Variants in CD163L1 observed in about 807,000 individuals in gnomAD.
CD163L1 encodes the protein scavenger receptor cysteine-rich type 1 protein M160.
Under a neutral mutation model 165.4 loss-of-function variants are expected in CD163L1, and 124 were observed. The observed-to-expected ratio is 0.75, with a 90% confidence interval of 0.65 to 0.87. The LOEUF (loss-of-function observed/expected upper bound fraction) is 0.87, where lower values mean the gene tolerates loss of function less well. Among genes scored for constraint, CD163L1 ranks in the 40% least tolerant of loss-of-function variants. CD163L1 has a pLI of 0.00. For missense variants in CD163L1, 1,525 were observed against 1,799.9 expected, an observed-to-expected ratio of 0.85 and a Z score of 2.76; for synonymous variants, 585 against 662.2, an observed-to-expected ratio of 0.88 and a Z score of 1.79.
At chr12:7,392,540 C>A (rs1947680094) in intron 8 of CD163L1, among the ~76,000 whole-genome samples, 1 of 152,058 alleles carries the variant, frequency 6.6e-6, no homozygotes, top group African/African-American at 2.4e-5. Flanking sequence ...CAAACAAATT[C>A]AAAAGCTAGC....
intron 4 of CD163L1, among the ~76,000 whole-genome samples, chr12:7,416,519 C>T (rs1565806148): frequency 6.6e-6 from 1 of 152,092 alleles, no homozygotes. Flanking sequence ...ATGGTATTGC[C>T]TAGGTTTTCT....
chr12:7,385,423 A>T (rs1473855516), intron 8 of CD163L1, among the ~76,000 whole-genome samples: 1 of 152,026 alleles, frequency 6.6e-6, no homozygotes, highest in Non-Finnish European at 1.5e-5. Context: ...TGGCACTTCA[A>T]CTATTCATCT....
At position 7,421,466 on chromosome 12, in the gene CD163L1, T is replaced by TATACATATATGTACATATATAC. The variant is rs1948397362; in HGVS notation, c.766+10949_766+10950insGTATATATGTACATATATGTAT. On this transcript the variant is annotated intron_variant, in intron 4 of 19. Coordinates refer to ENST00000313599, the MANE Select transcript of CD163L1 (RefSeq NM_174941.6). ...ATATACATATATGTACATATATACATATATATACATATATGTACATATATA... is the reference window on the plus strand; with the variant it reads ...ATATACATATATGTACATATATACATATACATATATGTACATATATACATATATACATATATGTACATATATA... 9.7e-5 allele frequency among the ~76,000 whole-genome samples: 9 copies of TATACATATATGTACATATATAC among 92,878 alleles called. 2 individuals are homozygous for TATACATATATGTACATATATAC. In the East Asian group the frequency reaches 3.4e-3, roughly 35 times the overall value. 60.9% of individuals were successfully genotyped at this position (92,878 alleles called of 152,430 possible). A position where few individuals can be genotyped will look rare whatever the true frequency, so the allele number is the denominator to read the frequency against.
rs1947103504 is a variant in CD163L1 at position 7,369,580 on chromosome 12, A to G, written c.3816T>C (p.Asp1272=). ...CCGCCTCGGCCAGGTCCCAGGAGTCATCACACACTGTGCCCCAGGAGCCTG... is the reference window on the plus strand; with the variant it reads ...CCGCCTCGGCCAGGTCCCAGGAGTCGTCACACACTGTGCCCCAGGAGCCTG... ...WHAGSWGTVC[D]DSWDLAEAEV... Residue 1272 remains aspartate, a synonymous_variant, in exon 15 of 20, where the codon GAT becomes GAC. Transcript: ENST00000313599. The surrounding 1 kb of genome is among the most constrained non-coding windows in gnomAD (Gnocchi z 4.9). 6.2e-7 allele frequency: 1 copy of G among 1,614,050 alleles called. No individual in the cohort carries two copies. Among genetic ancestry groups the G allele is most frequent in the African/African-American group, 1.3e-5 (1 of 74,908 alleles).
At chr12:7,338,569 T>C in the CD163L1 span, among the ~76,000 whole-genome samples, 1 of 152,164 alleles carries the variant, frequency 6.6e-6, no homozygotes, top group South Asian at 2.1e-4. Context: ...AAACAGGCCC[T>C]TCCCTTTGTA....
intron 18 of CD163L1, among the ~76,000 whole-genome samples, chr12:7,359,858 C>G (rs186648369): frequency 1.3e-5 from 2 of 152,056 alleles, no homozygotes; most frequent in African/African-American, 4.8e-5. Flanking sequence ...TGTTTCCTGA[C>G]CCCTTTAGAA....
intron 2 of CD163L1, among the ~76,000 whole-genome samples, chr12:7,437,080 T>C (rs895123547): frequency 6.7e-6 from 1 of 149,120 alleles, no homozygotes; most frequent in Non-Finnish European, 1.5e-5. Context: ...TTTTAAACAA[T>C]AGTGTTTTTC....
chr12:7,362,128 G>T (rs1000179085), intron 18 of CD163L1, among the ~76,000 whole-genome samples: 3 of 145,116 alleles, frequency 2.1e-5, no homozygotes, highest in African/African-American at 7.5e-5. Flanking sequence ...AGGTACACTT[G>T]TATATTATAT....
chr12:7,330,120 ACAT>A, the CD163L1 span, among the ~76,000 whole-genome samples: 1 of 152,186 alleles, frequency 6.6e-6, no homozygotes, highest in Admixed American at 6.5e-5. Context: ...GGTAACTTCA[ACAT>A]CAGTAAGAGT....
At position 7,374,891 on chromosome 12, in the gene CD163L1, C is replaced by T. The variant is rs769549505; in HGVS notation, c.3034G>A (p.Ala1012Thr). ...SLTQPLFPCL[A>T]NVSDPYLSAV... The stretch of plus-strand genomic sequence containing the variant: ...GACAAATATGGGTCAGATACATTTG[C>T]GAGGCATGGAAACAGTGGCTGGGTC... The change falls in exon 12 of 20, where the codon GCA becomes ACA. Residue 1012 changes from alanine to threonine, a missense_variant. By Grantham distance (58) the Ala-to-Thr change is moderately conservative. Coordinates refer to ENST00000313599, the MANE Select transcript of CD163L1 (RefSeq NM_174941.6). This position sits in a 1 kb window ranked among gnomAD's most constrained non-coding sequence, Gnocchi z 5.4. 17 of 1,613,920 alleles carry T rather than the reference C, an allele frequency of 1.1e-5. No individual in the cohort carries two copies. The highest frequency in any genetic ancestry group is 5.0e-5 in the Admixed American group (3 of 60,000).
rs1291582160 is a variant in CD163L1, at chr12:7,432,845, A to AT, written c.446-110dup. On this transcript the variant is annotated intron_variant, in intron 3 of 19. Coordinates refer to ENST00000313599, the MANE Select transcript of CD163L1 (RefSeq NM_174941.6). This position sits in a 1 kb window ranked among gnomAD's most constrained non-coding sequence, Gnocchi z 4.2. ...CCTGTTATGAATGAAGTTACCAAAAATTAAAAAAAAATAACTGAAAATACT... is the reference window on the plus strand; with the variant it reads ...CCTGTTATGAATGAAGTTACCAAAAATTTAAAAAAAAATAACTGAAAATACT... 1.9e-5 allele frequency: 17 copies of AT among 916,380 alleles called. No homozygotes were observed. The highest frequency in any genetic ancestry group is 2.7e-5 in the Non-Finnish European group (17 of 637,710). 56.8% of individuals were successfully genotyped at this position (916,380 alleles called of 1,614,324 possible).
chr12:7,351,178 T>TAG (rs1417332590), downstream of CD163L1, among the ~76,000 whole-genome samples: 1 of 152,072 alleles, frequency 6.6e-6, no homozygotes, highest in Non-Finnish European at 1.5e-5. Context: ...TCAATACATA[T>TAG]AGATATATAT....
At position 7,388,173 on chromosome 12, in the gene CD163L1, G is replaced by A. The variant is rs147209752; in HGVS notation, c.2050+7922C>T. On this transcript the variant is annotated intron_variant, in intron 8 of 19. Coordinates refer to ENST00000313599, the MANE Select transcript of CD163L1 (RefSeq NM_174941.6). ...AACACATCAACCTATAAAACTACTA[G>A]AAGAAAACATTGGGAAAATACTCCA... 3.8e-3 allele frequency among the ~76,000 whole-genome samples: 582 copies of A among 152,180 alleles called. 2 individuals carry two copies. The highest frequency in any genetic ancestry group is 0.024 in the Middle Eastern group (7 of 294).
intron 2 of CD163L1, chr12:7,438,745 C>T (rs780468932): frequency 1.2e-4 from 144 of 1,220,114 alleles, no homozygotes; most frequent in Non-Finnish European, 1.6e-4. Flanking sequence ...GGCCACTCAA[C>T]ACGGGTTTTC....
Position 7,421,523 on chromosome 12 carries a change from A to G in CD163L1, c.766+10893T>C, listed in dbSNP as rs147050295. Among the ~76,000 whole-genome samples, 354 of 122,340 alleles carry G rather than the reference A, an allele frequency of 2.9e-3. 38 individuals carry two copies. In the East Asian group the frequency reaches 0.063, roughly 22 times the overall value. 80.3% of individuals were successfully genotyped at this position (122,340 alleles called of 152,430 possible). A position where few individuals can be genotyped will look rare whatever the true frequency, so the allele number is the denominator to read the frequency against. On this transcript the variant is annotated intron_variant, in intron 4 of 19. Coordinates refer to ENST00000313599, the MANE Select transcript of CD163L1 (RefSeq NM_174941.6). ...TGTACATATACATATACATATATGT[A>G]CATATATACATATACGTACACATAT...
chr12:7,362,041 G>T (rs1946902618), intron 18 of CD163L1, among the ~76,000 whole-genome samples: 1 of 150,222 alleles, frequency 6.7e-6, no homozygotes, highest in African/African-American at 2.4e-5. Flanking sequence ...ATTTCACTTA[G>T]CATAATATCC....
intron 5 of CD163L1, among the ~76,000 whole-genome samples, chr12:7,404,858 C>CTGTTA (rs1358807112): frequency 6.6e-6 from 1 of 152,022 alleles, no homozygotes; most frequent in East Asian, 1.9e-4. Context: ...TTATTTAATG[C>CTGTTA]TGTTATCCTA....
intron 18 of CD163L1, among the ~76,000 whole-genome samples, chr12:7,359,894 C>A: frequency 6.6e-6 from 1 of 152,074 alleles, no homozygotes; most frequent in African/African-American, 2.4e-5. Context: ...AATTGTTGTT[C>A]CTCTAAACAC....
chr12:7,378,421 C>G (rs1947316473), intron 9 of CD163L1, among the ~76,000 whole-genome samples: 1 of 152,138 alleles, frequency 6.6e-6, no homozygotes, highest in Non-Finnish European at 1.5e-5. Context: ...TGCTTACAAC[C>G]TTCAATGATT....
Sources: allele counts gnomAD v4.1 joint callset (sites outside exome capture counted in the v4.1 genomes callset), GRCh38; gene constraint gnomAD v4.1.1; non-coding constraint Gnocchi (gnomAD v3.1); transcripts MANE v1.5; gene names NCBI Gene and HGNC (gene_info 2026-07-23, HGNC 2026-07-21).